Variants in ELAVL2 observed in about 807,000 individuals in gnomAD.
The protein encoded by ELAVL2 is ELAV like RNA binding protein 2.
ELAVL2 carries 4 observed loss-of-function variants against 34.6 expected under a neutral mutation model. That is an observed-to-expected ratio of 0.12 (90% CI 0.06 to 0.26). The LOEUF (loss-of-function observed/expected upper bound fraction) is 0.26, where lower values mean the gene tolerates loss of function less well. ELAVL2 is among the 10% of genes least tolerant of loss of function. ELAVL2 has a pLI of 1.00. For missense variants in ELAVL2, 432 were observed against 442.8 expected (o/e 0.98, Z 0.22); for synonymous variants, 193 against 154.8 (o/e 1.25, Z -1.83).
Position 23,733,094 on chromosome 9 carries a change from C to G in ELAVL2, c.230-1969G>C, listed in dbSNP as rs537695255. 1.5e-4 allele frequency among the ~76,000 whole-genome samples: 22 copies of G among 149,658 alleles called. 1 individual carries two copies. The South Asian group carries it at 2.5e-3, about 17-fold the overall frequency. ...TAATTGCCCTTTCTACTGATAGATA[C>G]TCCTCCTCCTGCATCTTAGCAGCTT... On this transcript the variant is annotated intron_variant, in intron 2 of 6. Coordinates refer to ENST00000397312, the MANE Select transcript of ELAVL2 (RefSeq NM_004432.5).
chr9:23,692,362 C>A lies in ELAVL2; in HGVS notation c.*195G>T. 1.6e-6 allele frequency: 1 copy of A among 621,248 alleles called. No individual in the cohort carries two copies. The highest frequency in any genetic ancestry group is 2.7e-6 in the Non-Finnish European group (1 of 371,904). The allele number at this position is 621,248 out of a possible 1,614,324, so 38.5% of individuals were successfully genotyped here. On this transcript the variant is annotated 3_prime_UTR_variant, in exon 7 of 7. Transcript: ENST00000397312. Reference sequence around the variant, plus strand: ...CCTGTACCTCTTGTCCATATTCAAACATAAAAGATATTTAAGAAGTTTTAA... The same window carrying A: ...CCTGTACCTCTTGTCCATATTCAAAAATAAAAGATATTTAAGAAGTTTTAA...
At chr9:23,784,850 T>C (rs1193728331) in intron 1 of ELAVL2, among the ~76,000 whole-genome samples, 1 of 152,140 alleles carries the variant, frequency 6.6e-6, no homozygotes, top group Non-Finnish European at 1.5e-5. Context: ...ACACTTAATA[T>C]CCGTAGGGAA....
chr9:23,847,329 T>A, the ELAVL2 span: 1 of 152,036 alleles, frequency 6.6e-6, no homozygotes, highest in African/African-American at 2.4e-5. Flanking sequence ...AATGTACCCA[T>A]TAGATAACCT....
At chr9:23,783,828 A>T (rs146817446) in intron 1 of ELAVL2, among the ~76,000 whole-genome samples, 5 of 152,208 alleles carry the variant, frequency 3.3e-5, no homozygotes, top group African/African-American at 1.2e-4. Flanking sequence ...GAGAAAAGCC[A>T]TGTGCACTAG....
chr9:23,848,020 G>A, the ELAVL2 span, among the ~76,000 whole-genome samples: 1 of 151,846 alleles, frequency 6.6e-6, no homozygotes, highest in African/African-American at 2.4e-5. Flanking sequence ...ACATGTCAAA[G>A]TAATTTAATT....
At chr9:23,709,617 G>A (rs1045916375) in intron 3 of ELAVL2, among the ~76,000 whole-genome samples, 2 of 152,164 alleles carry the variant, frequency 1.3e-5, no homozygotes, top group Non-Finnish European at 2.9e-5. Flanking sequence ...ATTCTATTTA[G>A]AAATGCTTCA....
Position 23,742,883 on chromosome 9 carries a change from C to G in ELAVL2, c.230-11758G>C, listed in dbSNP as rs955051975. 1.6e-4 allele frequency among the ~76,000 whole-genome samples: 25 copies of G among 152,196 alleles called. 1 individual carries two copies. In the South Asian group the frequency reaches 1.9e-3, roughly 11 times the overall value. ...TTCTTTCCTCTAAACTTAAAATAGT[C>G]ACACACAGCACTGATTTTTACATGC... On this transcript the variant is annotated intron_variant, in intron 2 of 6. Coordinates refer to ENST00000397312, the MANE Select transcript of ELAVL2 (RefSeq NM_004432.5).
chr9:23,732,433 A>T (rs1044965559), intron 2 of ELAVL2, among the ~76,000 whole-genome samples: 1 of 152,222 alleles, frequency 6.6e-6, no homozygotes, highest in Non-Finnish European at 1.5e-5. Context: ...TTTTTAAAAA[A>T]GAGAAAGGAA....
At chr9:23,787,456 T>G (rs1230107365) in intron 1 of ELAVL2, among the ~76,000 whole-genome samples, 1 of 151,398 alleles carries the variant, frequency 6.6e-6, no homozygotes, top group African/African-American at 2.4e-5. Flanking sequence ...GGTCTCGAAC[T>G]CCTAACCTCA....
chr9:23,792,801 T>C (rs560027875), intron 1 of ELAVL2, among the ~76,000 whole-genome samples: 75 of 152,230 alleles, frequency 4.9e-4, no homozygotes, highest in South Asian at 1.0e-3. Flanking sequence ...CACAAGTTCT[T>C]ACTCTGTCGC....
intron 2 of ELAVL2, among the ~76,000 whole-genome samples, chr9:23,737,639 G>A (rs947437312): frequency 6.6e-6 from 1 of 152,158 alleles, no homozygotes; most frequent in African/African-American, 2.4e-5. Context: ...AGTGAATTCT[G>A]TAAAAACCTG....
the ELAVL2 span, among the ~76,000 whole-genome samples, chr9:23,832,752 T>C: frequency 6.6e-6 from 1 of 152,158 alleles, no homozygotes; most frequent in Admixed American, 6.5e-5. Context: ...TTTATTTTGT[T>C]TAACTTCAAA....
intron 1 of ELAVL2, chr9:23,821,197 C>T (rs2138564966): frequency 6.5e-6 from 1 of 152,840 alleles, no homozygotes; most frequent in South Asian, 2.1e-4. Flanking sequence ...AGAAAAGCCC[C>T]CTCCCCCACT....
intron 1 of ELAVL2, among the ~76,000 whole-genome samples, chr9:23,788,934 A>G (rs529142319): frequency 5.3e-5 from 8 of 152,188 alleles, no homozygotes; most frequent in Non-Finnish European, 1.0e-4. Flanking sequence ...TTTCCATTTA[A>G]TATTTGTGAA....
intron 4 of ELAVL2, among the ~76,000 whole-genome samples, 191 bp downstream of exon 4, chr9:23,704,727 G>A (rs1181314580): frequency 1.3e-5 from 2 of 152,090 alleles, no homozygotes; most frequent in African/African-American, 4.8e-5. Context: ...ACTCAAGCAC[G>A]CTCACTATAC....
intron 5 of ELAVL2, among the ~76,000 whole-genome samples, chr9:23,699,252 C>T (rs2036315366): frequency 1.3e-5 from 2 of 152,134 alleles, no homozygotes; most frequent in South Asian, 4.1e-4. Flanking sequence ...TAAGGGCTGA[C>T]ACCCATCAAC....
intron 1 of ELAVL2, among the ~76,000 whole-genome samples, chr9:23,776,162 T>TA (rs2136519055): frequency 6.6e-6 from 1 of 152,140 alleles, no homozygotes; most frequent in South Asian, 2.1e-4. Flanking sequence ...AAGAGGAAGG[T>TA]AGACTGTCAA....
At chr9:23,704,575 A>G (rs1025591782) in intron 4 of ELAVL2, among the ~76,000 whole-genome samples, 3 of 152,166 alleles carry the variant, frequency 2.0e-5, no homozygotes, top group Non-Finnish European at 4.4e-5. Context: ...CTTTTTGACA[A>G]AAGAAAGGTT....
chr9:23,822,772 T>C (rs1204825240), intron 1 of ELAVL2, among the ~76,000 whole-genome samples: 1 of 152,270 alleles, frequency 6.6e-6, no homozygotes, highest in African/African-American at 2.4e-5. Context: ...CTACCTGAAA[T>C]TGTAGGAGGT....
Sources: gnomAD v4.1 joint callset for allele counts (sites outside exome capture counted in the v4.1 genomes callset) on GRCh38, gnomAD v4.1.1 for gene constraint, MANE v1.5 for transcripts, NCBI Gene and HGNC (gene_info 2026-07-23, HGNC 2026-07-21) for gene names.